Variants in FBN1 observed in about 807,000 individuals in gnomAD.
FBN1 encodes the protein fibrillin-1.
In FBN1, 29 loss-of-function variants were observed where a neutral mutation model predicts 365.1. The ratio of observed to expected loss-of-function variants is 0.08; its 90% confidence interval spans 0.06 to 0.11. The LOEUF is 0.11. Ranked by LOEUF, FBN1 falls within the 10% of genes least tolerant of loss-of-function variation. The pLI is 1.00. For synonymous variants in FBN1, 1,210 were observed against 1,270.5 expected (o/e 0.95, Z 1.01); for missense variants, 2,476 against 3,703.2 (o/e 0.67, Z 8.60).
chr15:48,535,082 C>T (rs2044003534), intron 7 of FBN1, among the ~76,000 whole-genome samples: 1 of 152,156 alleles, frequency 6.6e-6, no homozygotes, highest in African/African-American at 2.4e-5. Flanking sequence ...CCCCTCTGCC[C>T]GGAATAGTCT....
chr15:48,605,239 T>G (rs1251065854), intron 4 of FBN1, among the ~76,000 whole-genome samples: 4 of 152,138 alleles, frequency 2.6e-5, no homozygotes, highest in Non-Finnish European at 4.4e-5. Flanking sequence ...CCCATCTGGG[T>G]GGCAGAGCAA....
Position 48,430,821 on chromosome 15 carries a change from C to A in FBN1, c.6740-19G>T. 1 of 1,612,608 alleles carries A rather than the reference C, an allele frequency of 6.2e-7. No individual in the cohort carries two copies. The highest frequency in any genetic ancestry group is 2.2e-5 in the East Asian group (1 of 44,838). On this transcript the variant is annotated intron_variant, in intron 55 of 65. Transcript: ENST00000316623. ...TCCTCATCTGTAAAAAATGTACAAT[C>A]ACAAATTTGTCAAAGAAAATGCATA...
intron 4 of FBN1, among the ~76,000 whole-genome samples, chr15:48,604,687 T>C (rs2140725221): frequency 6.6e-6 from 1 of 152,252 alleles, no homozygotes; most frequent in Admixed American, 6.5e-5. Flanking sequence ...CAAGTCTGAG[T>C]AGATTCCATG....
chr15:48,449,867 T>C (rs1006716907), intron 45 of FBN1, among the ~76,000 whole-genome samples: 2 of 152,194 alleles, frequency 1.3e-5, no homozygotes, highest in Non-Finnish European at 2.9e-5. Context: ...TAATCATGAA[T>C]GGACACTTTT....
intron 45 of FBN1, 105 bp downstream of exon 45, chr15:48,452,457 T>G (rs1304983772): frequency 2.2e-6 from 3 of 1,341,216 alleles, no homozygotes; most frequent in East Asian, 2.3e-5. Flanking sequence ...AAATCTTAAC[T>G]CATATATTCT....
chr15:48,450,948 T>C (rs1226416277), intron 45 of FBN1, among the ~76,000 whole-genome samples: 2 of 152,220 alleles, frequency 1.3e-5, no homozygotes, highest in Non-Finnish European at 2.9e-5. Context: ...GAATGAGGTC[T>C]TCAACCCAAC....
chr15:48,538,192 T>G (rs535239458), intron 6 of FBN1, among the ~76,000 whole-genome samples: 59 of 152,202 alleles, frequency 3.9e-4, no homozygotes, highest in Non-Finnish European at 7.3e-4. Context: ...ATACAGATGC[T>G]TCAGTGACTA....
intron 30 of FBN1, among the ~76,000 whole-genome samples, chr15:48,484,606 G>C (rs1310304826): frequency 6.6e-6 from 1 of 152,050 alleles, no homozygotes; most frequent in Non-Finnish European, 1.5e-5. Flanking sequence ...CCTGAACTCA[G>C]GTGATCTGCC....
At chr15:48,529,144 G>C (rs2043944291) in intron 8 of FBN1, 1 of 152,286 alleles carries the variant, frequency 6.6e-6, no homozygotes, top group South Asian at 2.1e-4. Context: ...AAGCAAACCA[G>C]GTGGGGACGC....
intron 21 of FBN1, 52 bp from the exon 22 acceptor site, chr15:48,495,312 A>G: frequency 6.2e-7 from 1 of 1,604,274 alleles, no homozygotes; most frequent in Non-Finnish European, 8.5e-7. Context: ...ATTCAAACAT[A>G]CACCTTGGAA....
chr15:48,442,914 G>C (rs1417492833), intron 49 of FBN1, among the ~76,000 whole-genome samples: 1 of 151,828 alleles, frequency 6.6e-6, no homozygotes, highest in Non-Finnish European at 1.5e-5. Context: ...TTGTATCCTG[G>C]GCTCTTTATT....
intron 8 of FBN1, chr15:48,529,739 C>T (rs2043951742): frequency 6.6e-6 from 1 of 152,442 alleles, no homozygotes; most frequent in Non-Finnish European, 1.5e-5. Flanking sequence ...CAAACTCAAC[C>T]CAGTGTAAAA....
At chr15:48,437,222 A>G in intron 52 of FBN1, 100 bp downstream of exon 52, 1 of 1,253,604 alleles carries the variant, frequency 8.0e-7, no homozygotes, top group South Asian at 1.2e-5. Context: ...AAAAAGTAGC[A>G]CTTAATTTTC....
At chr15:48,584,583 G>A (rs762991486) in intron 6 of FBN1, among the ~76,000 whole-genome samples, 2 of 152,150 alleles carry the variant, frequency 1.3e-5, no homozygotes, top group Non-Finnish European at 2.9e-5. Context: ...AGTTGGCTCC[G>A]TCAAGGGATG....
intron 47 of FBN1, among the ~76,000 whole-genome samples, chr15:48,446,485 A>G (rs1002006384): frequency 1.3e-5 from 2 of 152,310 alleles, no homozygotes; most frequent in Admixed American, 1.3e-4. Flanking sequence ...GGTTTCAGGC[A>G]TCTGCTGGGG....
intron 32 of FBN1, among the ~76,000 whole-genome samples, chr15:48,477,497 C>T (rs976702181): frequency 2.0e-5 from 3 of 152,146 alleles, no homozygotes; most frequent in African/African-American, 4.8e-5. Flanking sequence ...AAAAGCATCT[C>T]CAAATAAAAG....
At chr15:48,546,886 G>A (rs1369858251) in intron 6 of FBN1, among the ~76,000 whole-genome samples, 1 of 152,050 alleles carries the variant, frequency 6.6e-6, no homozygotes, top group Non-Finnish European at 1.5e-5. Context: ...AAGGCTCCCG[G>A]GCTTCTGGCT....
At chr15:48,456,560 G>T in intron 44 of FBN1, 77 bp downstream of exon 44, 1 of 1,437,732 alleles carries the variant, frequency 7.0e-7, no homozygotes, top group Non-Finnish European at 9.7e-7. Flanking sequence ...TCAATGTTGT[G>T]AAATTCGCCA....
At chr15:48,632,456 ACAC>A (rs1890005556) in intron 2 of FBN1, among the ~76,000 whole-genome samples, 3 of 152,354 alleles carry the variant, frequency 2.0e-5, no homozygotes, top group African/African-American at 7.2e-5. Context: ...TCTTAGGACA[ACAC>A]AGAAAGATGA....
Sources: gnomAD v4.1 joint callset for allele counts (sites outside exome capture counted in the v4.1 genomes callset) on GRCh38, gnomAD v4.1.1 for gene constraint, MANE v1.5 for transcripts, NCBI Gene and HGNC (gene_info 2026-07-23, HGNC 2026-07-21) for gene names.